The following STAU2 variants were observed in gnomAD, a reference collection of about 807,000 sequenced individuals.
STAU2 encodes the protein double-stranded RNA-binding protein Staufen homolog 2.
Under a neutral mutation model 65.9 loss-of-function variants are expected in STAU2, and 20 were observed. The observed-to-expected ratio is 0.30, with a 90% CI of 0.21 to 0.44. The LOEUF is 0.44. Among genes scored for constraint, STAU2 ranks in the 20% least tolerant of loss-of-function variants. The pLI is 1.00. For missense variants in STAU2, 558 were observed against 683.9 expected (o/e 0.82, Z 2.05); for synonymous variants, 232 against 233.9 (o/e 0.99, Z 0.07).
chr8:73,434,258 G>A (rs963100102), intron 13 of STAU2, among the ~76,000 whole-genome samples: 3 of 35,576 alleles, frequency 8.4e-5, no homozygotes, highest in Admixed American at 3.8e-4. Flanking sequence ...GTGAGTGGCC[G>A]GCCTCTAGAC....
intron 6 of STAU2, among the ~76,000 whole-genome samples, chr8:73,621,971 T>C (rs1260016721): frequency 2.0e-5 from 3 of 149,982 alleles, no homozygotes; most frequent in African/African-American, 4.9e-5. Context: ...TTTTTTTTTT[T>C]CCTGAGACGA....
chr8:73,658,383 T>A (rs56127416), intron 6 of STAU2, among the ~76,000 whole-genome samples: 5,105 of 151,510 alleles, frequency 0.034, 103 homozygotes, highest in Non-Finnish European at 0.055. Flanking sequence ...AAAAAAAAAA[T>A]TATCTTGGGA....
chr8:73,438,244 T>C (rs924400569), intron 13 of STAU2, among the ~76,000 whole-genome samples: 5 of 152,084 alleles, frequency 3.3e-5, no homozygotes, highest in African/African-American at 7.2e-5. Flanking sequence ...CAACAAACAC[T>C]CATGGAGAAC....
intron 12 of STAU2, among the ~76,000 whole-genome samples, chr8:73,562,904 A>G (rs190743450): frequency 6.6e-6 from 1 of 152,194 alleles, no homozygotes; most frequent in East Asian, 1.9e-4. Flanking sequence ...TGAGCTCAGG[A>G]GTTTAAGACC....
chr8:73,422,946 G>A (rs1015455560), intron 13 of STAU2, among the ~76,000 whole-genome samples: 1 of 152,212 alleles, frequency 6.6e-6, no homozygotes, highest in Non-Finnish European at 1.5e-5. Flanking sequence ...AAATTGTGAT[G>A]TTTTATCTGC....
intron 13 of STAU2, chr8:73,549,667 T>C (rs545552305): frequency 4.0e-4 from 392 of 985,302 alleles, no homozygotes; most frequent in Non-Finnish European, 4.5e-4. Flanking sequence ...ACAATGGCTC[T>C]AGTAGGCTTA....
chr8:73,448,396 C>T (rs1182508507), intron 13 of STAU2, among the ~76,000 whole-genome samples: 2 of 152,186 alleles, frequency 1.3e-5, no homozygotes, highest in Non-Finnish European at 2.9e-5. Context: ...CAATTATCTG[C>T]CTCAGCCTCC....
rs924353305 is a variant in STAU2, at chr8:73,582,929, A to G, written c.1162-99T>C. The G allele has an allele frequency of 8.1e-5, 83 of 1,022,078 alleles. 1 individual carries two copies. The African/African-American group carries it at 9.5e-4, about 12-fold the overall frequency. 63.3% of individuals were successfully genotyped at this position (1,022,078 alleles called of 1,614,324 possible). On this transcript the variant is annotated intron_variant, in intron 11 of 14. Transcript: ENST00000524300. ...TTAAGCAAAGGCAAAGTCCTCTCAC[A>G]TGGTTATTCTGCATATTATCTCTAT...
intron 3 of STAU2, among the ~76,000 whole-genome samples, chr8:73,720,614 G>A (rs7828486): frequency 0.037 from 3,841 of 102,454 alleles, 803 homozygotes; most frequent in African/African-American, 0.14. Flanking sequence ...CCGGGTTCAC[G>A]CCATTCTCCT....
intron 7 of STAU2, among the ~76,000 whole-genome samples, chr8:73,616,521 G>A (rs558422076): frequency 6.6e-5 from 10 of 151,938 alleles, no homozygotes; most frequent in Non-Finnish European, 1.3e-4. Flanking sequence ...CTATGCTGCC[G>A]GGCATGGTGG....
At chr8:73,719,549 T>C (rs1454870846) in intron 3 of STAU2, among the ~76,000 whole-genome samples, 4 of 152,232 alleles carry the variant, frequency 2.6e-5, no homozygotes, top group African/African-American at 9.6e-5. Flanking sequence ...TATCAAATGA[T>C]TTTTCTGCAT....
chr8:73,455,806 C>CT (rs1360632620), intron 13 of STAU2, among the ~76,000 whole-genome samples: 2 of 152,084 alleles, frequency 1.3e-5, no homozygotes, highest in African/African-American at 4.8e-5. Flanking sequence ...TACAACGTGT[C>CT]TCTGTACACC....
intron 13 of STAU2, among the ~76,000 whole-genome samples, chr8:73,436,431 T>G (rs976685652): frequency 4.0e-5 from 6 of 151,788 alleles, no homozygotes; most frequent in Non-Finnish European, 8.8e-5. Context: ...TACCTGATTT[T>G]ACACGTATAT....
chr8:73,421,713 T>C (rs1816391181), intron 14 of STAU2, among the ~76,000 whole-genome samples: 1 of 152,264 alleles, frequency 6.6e-6, no homozygotes, highest in African/African-American at 2.4e-5. Flanking sequence ...CCAAATGTTT[T>C]CTTCTCACGC....
intron 3 of STAU2, among the ~76,000 whole-genome samples, chr8:73,721,183 G>A (rs985476541): frequency 6.8e-6 from 1 of 147,960 alleles, no homozygotes; most frequent in African/African-American, 2.5e-5. Context: ...CTAGATACTC[G>A]GGGAGCAGAA....
intron 13 of STAU2, among the ~76,000 whole-genome samples, chr8:73,536,681 A>G (rs4406388): frequency 0.88 from 133,449 of 152,064 alleles, 58,819 homozygotes; most frequent in East Asian, 0.92. Context: ...GGTGGTGTCA[A>G]TAGAGGCATG....
rs115474455 is a variant in STAU2, at chr8:73,615,324, A to G, written c.678+351T>C. Among the ~76,000 whole-genome samples, 941 of 152,280 alleles carry G rather than the reference A, an allele frequency of 6.2e-3. 7 individuals are homozygous for G. The highest frequency in any genetic ancestry group is 0.021 in the African/African-American group (886 of 41,558). On this transcript the variant is annotated intron_variant, in intron 8 of 14. Transcript: ENST00000524300. ...ATTGAAAAAAAAATTGGATATTAAC[A>G]TGTATGTCACTAAATCTTAACTTGA...
chr8:73,522,295 A>T (rs916686428), intron 13 of STAU2, among the ~76,000 whole-genome samples: 2 of 152,198 alleles, frequency 1.3e-5, no homozygotes, highest in African/African-American at 4.8e-5. Flanking sequence ...AACATATAGA[A>T]AGGGTGTCAT....
intron 13 of STAU2, among the ~76,000 whole-genome samples, chr8:73,485,493 G>A (rs891637734): frequency 6.6e-6 from 1 of 151,920 alleles, no homozygotes; most frequent in Admixed American, 6.6e-5. Context: ...GGAGAGATCC[G>A]AACCTGCTAG....
Sources: gnomAD v4.1 joint callset for allele counts (sites outside exome capture counted in the v4.1 genomes callset) on GRCh38, gnomAD v4.1.1 for gene constraint, MANE v1.5 for transcripts, NCBI Gene and HGNC (gene_info 2026-07-23, HGNC 2026-07-21) for gene names.